ASXL2: variants seen among roughly 807,000 people sequenced by gnomAD.
The protein encoded by ASXL2 is ASXL transcriptional regulator 2, also known as putative Polycomb group protein ASXL2.
A neutral mutation model predicts 122.0 loss-of-function variants in ASXL2; 23 were observed. The observed-to-expected ratio is 0.19, with a 90% confidence interval of 0.14 to 0.27. The LOEUF is 0.27. Among genes scored for constraint, ASXL2 ranks in the 10% least tolerant of loss-of-function variants. ASXL2 has a pLI of 1.00. For synonymous variants in ASXL2, 650 were observed against 637.0 expected (o/e 1.02, Z -0.31); for missense variants, 1,518 against 1,713.8 (o/e 0.89, Z 2.02).
At chr2:25,780,970 G>A (rs909612061) in intron 5 of ASXL2, among the ~76,000 whole-genome samples, 5 of 150,412 alleles carry the variant, frequency 3.3e-5, no homozygotes, top group Non-Finnish European at 5.9e-5. Context: ...TGTAGTCCCA[G>A]CTACTTGGGA....
chr2:25,811,844 C>A (rs933316037), intron 3 of ASXL2, among the ~76,000 whole-genome samples: 19 of 152,178 alleles, frequency 1.2e-4, no homozygotes, highest in South Asian at 1.2e-3. Context: ...CTCTGCCTCT[C>A]GGGTTCAAGC....
At chr2:25,808,606 A>T (rs1161996443) in intron 3 of ASXL2, among the ~76,000 whole-genome samples, 1 of 152,214 alleles carries the variant, frequency 6.6e-6, no homozygotes, top group African/African-American at 2.4e-5. Flanking sequence ...TGCTCGGATT[A>T]CAGGTGTTAG....
intron 1 of ASXL2, among the ~76,000 whole-genome samples, chr2:25,857,614 T>C (rs2089796739): frequency 6.6e-6 from 1 of 152,204 alleles, no homozygotes; most frequent in African/African-American, 2.4e-5. Flanking sequence ...CCTGGATGTA[T>C]GCAAAGCTTC....
chr2:25,834,428 T>C (rs1027299206), intron 3 of ASXL2, among the ~76,000 whole-genome samples: 5 of 152,076 alleles, frequency 3.3e-5, no homozygotes, highest in South Asian at 4.1e-4. Flanking sequence ...AAACAAAATA[T>C]ACCTATTTTA....
At chr2:25,771,177 A>C (rs1475936545) in intron 6 of ASXL2, among the ~76,000 whole-genome samples, 1 of 152,210 alleles carries the variant, frequency 6.6e-6, no homozygotes, top group Non-Finnish European at 1.5e-5. Context: ...CAGACGTTGC[A>C]GTGAGCTGAG....
At chr2:25,810,536 C>T (rs1246306748) in intron 3 of ASXL2, 22 of 730,256 alleles carry the variant, frequency 3.0e-5, no homozygotes, top group Non-Finnish European at 4.4e-5. Flanking sequence ...TGTTCCCAGG[C>T]GCGCCTTTCT....
At chr2:25,849,061 T>TTATATATATATA (rs751570430) in intron 1 of ASXL2, among the ~76,000 whole-genome samples, 3 of 6,750 alleles carry the variant, frequency 4.4e-4, no homozygotes, top group African/African-American at 1.5e-3. Flanking sequence ...AAAAAAAAAT[T>TTATATATATATA]TACATATATA....
chr2:25,779,694 C>T (rs1048001470), intron 5 of ASXL2, among the ~76,000 whole-genome samples: 1 of 152,080 alleles, frequency 6.6e-6, no homozygotes, highest in Non-Finnish European at 1.5e-5. Flanking sequence ...CTAGGAAGTA[C>T]ATTAAAAATT....
chr2:25,744,514 G>C lies in ASXL2; in HGVS notation c.1861-38C>G. The stretch of plus-strand genomic sequence containing the variant: ...GAGGGGAAAAAAACAACAGAGCTTA[G>C]TTTTCATTTGTAAGAATAACAAAAC... On this transcript the variant is annotated intron_variant, in intron 12 of 12. Transcript: ENST00000435504. The surrounding 1 kb of genome is among the most constrained non-coding windows in gnomAD (Gnocchi z 4.7). The C allele has an allele frequency of 6.5e-7, 1 of 1,547,604 alleles. No individual in the cohort carries two copies. The highest frequency in any genetic ancestry group is 8.6e-7 in the Non-Finnish European group (1 of 1,157,050).
At chr2:25,807,900 CTCACTTTCAG>C (rs1385852913) in intron 3 of ASXL2, among the ~76,000 whole-genome samples, 8 of 151,882 alleles carry the variant, frequency 5.3e-5, no homozygotes. Context: ...AACAACTTTT[CTCACTTTCAG>C]TCATGTGGTT....
At chr2:25,840,300 G>GGCTA (rs1361693678) in intron 2 of ASXL2, among the ~76,000 whole-genome samples, 6 of 152,036 alleles carry the variant, frequency 3.9e-5, no homozygotes, top group Non-Finnish European at 7.4e-5. Flanking sequence ...TTCTTAAAGG[G>GGCTA]GCTAGTACCT....
In ASXL2 at chr2:25,744,110, G is replaced by C. The variant is rs774831394; in HGVS notation, c.2227C>G (p.Leu743Val). The change falls in exon 13 of 13, where the codon CTT becomes GTT. Residue 743 changes from leucine to valine, a missense_variant. Transcript: ENST00000435504. This position sits in a 1 kb window ranked among gnomAD's most constrained non-coding sequence, Gnocchi z 4.7. ...TGAGTCTCTGGACCACAGGGTAAAA[G>C]CTCTCTCGTACCTCCCCTGCTTCCA... Reference protein sequence around the residue: ...GTGSRGGTRELLPCGPETQPQ... With the variant: ...GTGSRGGTREVLPCGPETQPQ... The C allele has an allele frequency of 6.2e-7, 1 of 1,614,006 alleles. No individual in the cohort carries two copies. The highest frequency in any genetic ancestry group is 8.5e-7 in the Non-Finnish European group (1 of 1,179,886).
chr2:25,744,531 T>A lies in ASXL2; in HGVS notation c.1861-55A>T, dbSNP rs896152609. The A allele has an allele frequency of 6.6e-7, 1 of 1,517,100 alleles. No homozygotes were observed. The highest frequency in any genetic ancestry group is 1.4e-5 in the African/African-American group (1 of 71,690). 94.0% of individuals were successfully genotyped at this position (1,517,100 alleles called of 1,614,324 possible). A position where few individuals can be genotyped will look rare whatever the true frequency, so the allele number is the denominator to read the frequency against. ...AGAGCTTAGTTTTCATTTGTAAGAA[T>A]AACAAAACTTCATTAGCCCTCACAT... is the stretch of plus-strand genomic sequence containing the variant. On this transcript the variant is annotated intron_variant, in intron 12 of 12. Transcript: ENST00000435504. The surrounding 1 kb of genome is among the most constrained non-coding windows in gnomAD (Gnocchi z 4.7).
intron 1 of ASXL2, among the ~76,000 whole-genome samples, chr2:25,846,476 C>T (rs1053438686): frequency 6.6e-6 from 1 of 152,072 alleles, no homozygotes; most frequent in South Asian, 2.1e-4. Flanking sequence ...GGTGAAACCC[C>T]ATCTCTACTG....
intron 5 of ASXL2, among the ~76,000 whole-genome samples, chr2:25,775,945 G>C (rs1267406387): frequency 3.3e-5 from 5 of 152,082 alleles, no homozygotes; most frequent in Non-Finnish European, 5.9e-5. Context: ...TCTTTTAAAA[G>C]CATCAGGATT....
intron 3 of ASXL2, among the ~76,000 whole-genome samples, chr2:25,816,765 G>GTT (rs2089241333): frequency 1.3e-5 from 2 of 152,174 alleles, no homozygotes; most frequent in Admixed American, 1.3e-4. Flanking sequence ...AGCAAAAAAA[G>GTT]TTCTTAAGAG....
chr2:25,826,686 C>T (rs1473845370), intron 3 of ASXL2, among the ~76,000 whole-genome samples: 1 of 138,564 alleles, frequency 7.2e-6, no homozygotes, highest in Non-Finnish European at 1.5e-5. Flanking sequence ...CCTGGCTGAA[C>T]TATACACAAT....
intron 5 of ASXL2, among the ~76,000 whole-genome samples, chr2:25,777,419 C>A (rs2088563309): frequency 6.6e-6 from 1 of 151,948 alleles, no homozygotes; most frequent in South Asian, 2.1e-4. Flanking sequence ...GTGGGAGGAT[C>A]ACTTGAGGCC....
At chr2:25,867,129 A>C (rs922219262) in intron 1 of ASXL2, among the ~76,000 whole-genome samples, 1 of 151,908 alleles carries the variant, frequency 6.6e-6, no homozygotes, top group East Asian at 1.9e-4. Flanking sequence ...CGAACTCCCA[A>C]CCTCAGGTGA....
Sources: allele counts gnomAD v4.1 joint callset (sites outside exome capture counted in the v4.1 genomes callset), GRCh38; gene constraint gnomAD v4.1.1; non-coding constraint Gnocchi (gnomAD v3.1); transcripts MANE v1.5; gene names NCBI Gene and HGNC (gene_info 2026-07-23, HGNC 2026-07-21).